The following HOOK2 variants were observed in gnomAD, a reference collection of about 807,000 sequenced individuals.
The protein encoded by HOOK2 is hook microtubule tethering protein 2, also known as protein Hook homolog 2.
HOOK2 carries 108 observed loss-of-function variants against 111.9 expected under a neutral mutation model. That is an observed-to-expected ratio of 0.96 (90% confidence interval 0.83 to 1.13). The LOEUF (loss-of-function observed/expected upper bound fraction) is 1.13. Among genes scored for constraint, HOOK2 ranks in the 50% most tolerant of loss-of-function variants. The pLI is 0.00. For missense variants in HOOK2, 978 were observed against 951.3 expected (o/e 1.03, Z -0.37); for synonymous variants, 405 against 394.3 (o/e 1.03, Z -0.32).
rs2145730419 is a variant in HOOK2, at chr19:12,765,973, T to C, written c.1553A>G (p.Glu518Gly). ...QQLSELRAQV[E>G]DLQKALQEQG... ...CTCCTGCAGGGCTTTCTGCAGGTCCTCCACCTGGGCCCGCAGCTCGGATAG... is the reference window on the plus strand; with the variant it reads ...CTCCTGCAGGGCTTTCTGCAGGTCCCCCACCTGGGCCCGCAGCTCGGATAG... Residue 518 changes from glutamate to glycine, a missense_variant, in exon 16 of 23, where the codon GAG becomes GGG. Physicochemically the swap from Glu to Gly is moderately conservative, Grantham distance 98 (BLOSUM62 -2). This residue lies in a region of HOOK2 where 5 missense variants were observed against 19.0 expected (regional missense o/e 0.26). Coordinates refer to ENST00000397668, the MANE Select transcript of HOOK2 (RefSeq NM_013312.3). The C allele has an allele frequency of 1.2e-6, 2 of 1,614,064 alleles. No homozygotes were observed. The highest frequency in any genetic ancestry group is 1.1e-5 in the South Asian group (1 of 91,090).
intron 3 of HOOK2, among the ~76,000 whole-genome samples, chr19:12,788,342 TTA>T (rs1968675290): frequency 1.3e-5 from 2 of 152,174 alleles, no homozygotes; most frequent in African/African-American, 4.8e-5. Context: ...ATGACTTATT[TTA>T]TGTTAACCAC....
chr19:12,792,239 C>T (rs574468971), intron 3 of HOOK2: 102 of 1,521,178 alleles, frequency 6.7e-5, no homozygotes, highest in Non-Finnish European at 8.6e-5. Flanking sequence ...CACCCCCCAA[C>T]GTGTCCCTGG....
At chr19:12,775,598 C>G (rs1968481324), upstream of HOOK2, 1 of 671,036 alleles carries the variant, frequency 1.5e-6, no homozygotes, top group Non-Finnish European at 2.1e-6. Context: ...CCCCGCCCCG[C>G]CCCCAAGCCC....
At chr19:12,764,433 G>T (rs1968090428) in intron 20 of HOOK2, 1 of 165,232 alleles carries the variant, frequency 6.1e-6, no homozygotes, top group African/African-American at 2.6e-5. Flanking sequence ...GGGTTCAAAT[G>T]ATTTTCCTGC....
intron 18 of HOOK2, 156 bp downstream of exon 18, chr19:12,765,534 G>T (rs965975995): frequency 3.0e-6 from 3 of 999,244 alleles, no homozygotes; most frequent in Non-Finnish European, 4.6e-6. Context: ...GATCATCTGG[G>T]GTCAGGAGTC....
chr19:12,771,396 C>G lies in HOOK2; in HGVS notation c.600+1G>C, dbSNP rs371006905. ...TGACCCTGCCCCACCTAGGGCCCTA[C>G]CTGCCGCTCCAGATCCAGACAGCGC... On this transcript the variant is annotated splice_donor_variant, in intron 8 of 22. Transcript: ENST00000397668. LOFTEE classifies it high-confidence loss of function. The G allele has an allele frequency of 6.2e-7, 1 of 1,613,244 alleles. No individual in the cohort carries two copies.
chr19:12,773,212 T>C, intron 3 of HOOK2, 168 bp from the exon 4 acceptor site: 1 of 536,526 alleles, frequency 1.9e-6, no homozygotes, highest in Non-Finnish European at 3.3e-6. Flanking sequence ...CCCTTTTGTC[T>C]GCCTGACCAT....
In HOOK2 at chr19:12,766,158, G is replaced by A; in HGVS notation, c.1456C>T (p.Gln486Ter). The A allele has an allele frequency of 6.3e-7, 1 of 1,598,870 alleles. No homozygotes were observed. Among genetic ancestry groups the A allele is most frequent in the Non-Finnish European group, 8.5e-7 (1 of 1,178,816 alleles). ...CGGTTGGCATCCTCCAGGTGGCGCT[G>A]CAGCTCCTCCTGCCGCTCCCGGTCG... ...AADRERQEEL[Q>*]RHLEDANRAR... Residue 486 changes from glutamine to a stop codon, truncating the protein, a stop_gained, in exon 15 of 23, where the codon CAG becomes TAG. Coordinates refer to ENST00000397668, the MANE Select transcript of HOOK2 (RefSeq NM_013312.3). LOFTEE classifies it high-confidence loss of function.
At position 12,791,521 on chromosome 19, in the gene HOOK2, A is replaced by T. The variant is rs907795664; in HGVS notation, n.42-17296T>A. 1.1e-5 allele frequency: 5 copies of T among 443,328 alleles called. No homozygotes were observed. Among genetic ancestry groups the T allele is most frequent in the Non-Finnish European group, 2.0e-5 (5 of 250,322 alleles). The allele number at this position is 443,328 out of a possible 1,614,324, so 27.5% of individuals were successfully genotyped here. A position where few individuals can be genotyped will look rare whatever the true frequency, so the allele number is the denominator to read the frequency against. On this transcript the variant is annotated intron_variant and non_coding_transcript_variant, in intron 3 of 3. Transcript: ENST00000589765. This position sits in a 1 kb window ranked among gnomAD's most constrained non-coding sequence, Gnocchi z 7.0. The stretch of plus-strand genomic sequence containing the variant: ...GAGCGGCCAGGCCAGCCTCGGAGCC[A>T]GCAGGGAGCTGGGAGCTGGGGGAAA...
At position 12,767,385 on chromosome 19, in the gene HOOK2, C is replaced by T. The variant is rs766343773; in HGVS notation, c.1373+10G>A. 14 of 1,613,080 alleles carry T rather than the reference C, an allele frequency of 8.7e-6. No homozygotes were observed. Among genetic ancestry groups the T allele is most frequent in the Non-Finnish European group, 1.2e-5 (14 of 1,179,260 alleles). ...GGGTGGGGCCAGAGTTTTGAGTGAC[C>T]CCAGGATACCTGAGCTCCGCAGGCA... On this transcript the variant is annotated intron_variant, in intron 14 of 22. Coordinates refer to ENST00000397668, the MANE Select transcript of HOOK2 (RefSeq NM_013312.3).
intron 3 of HOOK2, chr19:12,792,139 G>A (rs1167192798): frequency 1.3e-6 from 2 of 1,596,998 alleles, no homozygotes; most frequent in South Asian, 1.1e-5. Flanking sequence ...GGTGCAGGGG[G>A]CGCAGGGGGC....
At chr19:12,767,092 CAG>C (rs1179387519) in intron 14 of HOOK2, among the ~76,000 whole-genome samples, 1 of 152,150 alleles carries the variant, frequency 6.6e-6, no homozygotes, top group African/African-American at 2.4e-5. Flanking sequence ...GTTACACTAA[CAG>C]GGGTGGACGC....
intron 11 of HOOK2, among the ~76,000 whole-genome samples, chr19:12,769,153 G>T (rs1461625899): frequency 2.0e-5 from 3 of 152,012 alleles, no homozygotes; most frequent in African/African-American, 7.2e-5. Flanking sequence ...TTTTAGTAGA[G>T]ATGGGGTTTC....
At chr19:12,783,306 G>GC (rs34846874), upstream of HOOK2, among the ~76,000 whole-genome samples, 14,571 of 144,148 alleles carry the variant, frequency 0.1, 1,076 homozygotes, top group Middle Eastern at 0.19. Context: ...AGCCAGAGGC[G>GC]CCCCCCCCAA....
In HOOK2 at chr19:12,772,645, C is replaced by G; in HGVS notation, c.424G>C (p.Val142Leu). 6.2e-7 allele frequency: 1 copy of G among 1,614,214 alleles called. No individual in the cohort carries two copies. Among genetic ancestry groups the G allele is most frequent in the Non-Finnish European group, 8.5e-7 (1 of 1,180,032 alleles). The change falls in exon 6 of 23, where the codon GTT becomes CTT. Residue 142 changes from valine (V) to leucine (L), a missense_variant. Transcript: ENST00000397668. The part of the protein sequence containing the change: ...IQRIMTLEES[V>L]QHVVMEAIQE... ...ATGGCTTCCATCACCACATGCTGAA[C>G]CGATTCTTCCAGCGTCATGATTCTC...
chr19:12,781,573 G>T (rs897784678), upstream of HOOK2, among the ~76,000 whole-genome samples: 1 of 152,006 alleles, frequency 6.6e-6, no homozygotes, highest in Non-Finnish European at 1.5e-5. Flanking sequence ...TGATCCGCCC[G>T]CCTTGGCCTC....
intron 3 of HOOK2, chr19:12,792,029 G>A (rs1599523111): frequency 6.2e-7 from 1 of 1,611,448 alleles, no homozygotes; most frequent in South Asian, 1.1e-5. Context: ...CCTCTTCGGA[G>A]CTGGAACGCC....
Position 12,763,131 on chromosome 19 carries a change from G to T in HOOK2, c.*151C>A. ...AAGAACAGGCCTATATCTACCTCCC[G>T]CCCTCCCTCCCCACCAATCTGGGAG... is the stretch of plus-strand genomic sequence containing the variant. On this transcript the variant is annotated 3_prime_UTR_variant, in exon 23 of 23. Transcript: ENST00000397668. 2.5e-6 allele frequency: 1 copy of T among 394,104 alleles called. No homozygotes were observed. The allele number at this position is 394,104 out of a possible 1,614,324, so 24.4% of individuals were successfully genotyped here.
chr19:12,782,722 C>A (rs896846315), upstream of HOOK2, among the ~76,000 whole-genome samples: 1 of 152,160 alleles, frequency 6.6e-6, no homozygotes, highest in African/African-American at 2.4e-5. Context: ...CCCGCCCCGG[C>A]CGGGACCTTG....
Sources: allele counts gnomAD v4.1 joint callset (sites outside exome capture counted in the v4.1 genomes callset), GRCh38; gene constraint gnomAD v4.1.1; regional missense constraint gnomAD v4.1.1; non-coding constraint Gnocchi (gnomAD v3.1); transcripts MANE v1.5; gene names NCBI Gene and HGNC (gene_info 2026-07-23, HGNC 2026-07-21).